PRRX1: variants seen among roughly 807,000 people sequenced by gnomAD.
PRRX1 encodes paired related homeobox 1.
PRRX1 carries 8 observed loss-of-function variants against 24.0 expected under a neutral mutation model. The ratio of observed to expected loss-of-function variants is 0.33; its 90% confidence interval spans 0.20 to 0.60. The LOEUF is 0.60. PRRX1 is among the 20% of genes least tolerant of loss of function. The probability of loss-of-function intolerance (pLI) is 0.82; values close to 1 mark genes in which losing one functional copy is unlikely to be tolerated. For missense variants in PRRX1, 281 were observed against 322.4 expected (o/e 0.87, Z 0.98); for synonymous variants, 160 against 131.7 (o/e 1.22, Z -1.47).
chr1:170,711,717 G>C (rs1558057246), intron 1 of PRRX1, among the ~76,000 whole-genome samples: 1 of 152,044 alleles, frequency 6.6e-6, no homozygotes, highest in Admixed American at 6.6e-5. Flanking sequence ...AGTGCAAAGG[G>C]AAAAAAACCT....
At position 170,692,713 on chromosome 1, in the gene PRRX1, CCTCT is replaced by C. The variant is rs375918496; in HGVS notation, c.242-26987_242-26984del. On this transcript the variant is annotated intron_variant, in intron 1 of 3. Transcript: ENST00000239461. ...GAAACCCCTTAACGAACTAACAAAT[CCTCT>C]CTCTCTCTCTCTCTCTCTCTCTCTC... 8.6e-3 allele frequency among the ~76,000 whole-genome samples: 1,202 copies of C among 138,970 alleles called. 9 individuals are homozygous for C. The highest frequency in any genetic ancestry group is 0.018 in the African/African-American group (665 of 36,478). 91.2% of individuals were successfully genotyped at this position (138,970 alleles called of 152,430 possible).
chr1:170,736,029 C>A lies in PRRX1; in HGVS notation c.600-19C>A. Reference sequence around the variant, plus strand: ...ACTAATGCCTGTTATTCTCCCTGCTCTCTCCTTTGTCCCTACAGCGCCATG... The same window carrying A: ...ACTAATGCCTGTTATTCTCCCTGCTATCTCCTTTGTCCCTACAGCGCCATG... On this transcript the variant is annotated intron_variant, in intron 3 of 3. Coordinates refer to ENST00000239461, the MANE Select transcript of PRRX1 (RefSeq NM_022716.4). The A allele has an allele frequency of 9.9e-6, 16 of 1,613,840 alleles. No homozygotes were observed. Among genetic ancestry groups the A allele is most frequent in the Non-Finnish European group, 1.3e-5 (15 of 1,179,754 alleles).
intron 2 of PRRX1, 134 bp from the exon 3 acceptor site, chr1:170,726,086 T>C: frequency 1.1e-6 from 1 of 875,640 alleles, no homozygotes; most frequent in Non-Finnish European, 1.8e-6. Flanking sequence ...CTACGGAGAA[T>C]TCCATAGCCA....
At chr1:170,685,415 G>T (rs945980587) in intron 1 of PRRX1, among the ~76,000 whole-genome samples, 2 of 152,154 alleles carry the variant, frequency 1.3e-5, no homozygotes, top group Non-Finnish European at 2.9e-5. Context: ...AGGCTGACTC[G>T]AGCTAGGGGA....
intron 1 of PRRX1, among the ~76,000 whole-genome samples, chr1:170,692,905 T>C (rs1654042346): frequency 6.6e-6 from 1 of 152,144 alleles, no homozygotes; most frequent in Non-Finnish European, 1.5e-5. Flanking sequence ...CTTGGCCTAA[T>C]CCTATATATA....
intron 2 of PRRX1, among the ~76,000 whole-genome samples, 188 bp downstream of exon 2, chr1:170,720,089 G>A (rs1655032555): frequency 2.6e-5 from 4 of 152,116 alleles, no homozygotes; most frequent in Non-Finnish European, 4.4e-5. Flanking sequence ...GCAACATAGT[G>A]AGACCTCATC....
Position 170,680,493 on chromosome 1 carries a change from A to G in PRRX1, c.241+16034A>G, listed in dbSNP as rs549566148. On this transcript the variant is annotated intron_variant, in intron 1 of 3. Transcript: ENST00000239461. The stretch of plus-strand genomic sequence containing the variant: ...GAATTTTGCTCTAGTGGTTTATGAC[A>G]TCACTGGAACCCCGTTGGTGGAATT... Among the ~76,000 whole-genome samples the G allele has an allele frequency of 9.2e-5, 14 of 152,314 alleles. No individual in the cohort carries two copies. The East Asian group carries it at 2.7e-3, about 29-fold the overall frequency.
intron 1 of PRRX1, among the ~76,000 whole-genome samples, chr1:170,698,888 A>G (rs936476288): frequency 6.6e-6 from 1 of 152,056 alleles, no homozygotes; most frequent in African/African-American, 2.4e-5. Flanking sequence ...TCTCTGGAGA[A>G]GGGGCCCCGG....
At chr1:170,709,828 A>G (rs1176791351) in intron 1 of PRRX1, among the ~76,000 whole-genome samples, 1 of 152,222 alleles carries the variant, frequency 6.6e-6, no homozygotes, top group African/African-American at 2.4e-5. Flanking sequence ...ATTACCCTAA[A>G]ATGGTTGATA....
At chr1:170,671,392 C>T (rs953023838) in intron 1 of PRRX1, among the ~76,000 whole-genome samples, 5 of 152,226 alleles carry the variant, frequency 3.3e-5, no homozygotes, top group East Asian at 1.9e-4. Flanking sequence ...GTCTCTGCCT[C>T]GGCAAAGAAA....
At chr1:170,723,513 C>T (rs1269769225) in intron 2 of PRRX1, among the ~76,000 whole-genome samples, 1 of 151,194 alleles carries the variant, frequency 6.6e-6, no homozygotes, top group Admixed American at 6.6e-5. Flanking sequence ...GCAGGTGCTC[C>T]ATAAAGATTT....
intron 3 of PRRX1, chr1:170,728,817 A>T (rs902289676): frequency 3.9e-5 from 6 of 152,242 alleles, no homozygotes; most frequent in African/African-American, 1.4e-4. Context: ...GAACCAAACT[A>T]TGTTATGATT....
chr1:170,697,821 T>C lies in PRRX1; in HGVS notation c.242-21905T>C, dbSNP rs866180216. ...GTATATATAAATATGTAGAAATATA[T>C]CTCTGTATAAATATATAGATATACA... On this transcript the variant is annotated intron_variant, in intron 1 of 3. Transcript: ENST00000239461. Among the ~76,000 whole-genome samples the C allele has an allele frequency of 4.7e-5, 7 of 147,562 alleles. No homozygotes were observed. In the South Asian group the frequency reaches 1.0e-3, roughly 22 times the overall value.
Position 170,738,182 on chromosome 1 carries a change from G to A in PRRX1, c.*1996G>A, listed in dbSNP as rs1571355956. On this transcript the variant is annotated 3_prime_UTR_variant, in exon 4 of 4. Transcript: ENST00000239461. ...ATTAAAAAACTTTGGATCAATTTTGGTCAAACATGCCAACTTTGTAGTCTG... is the reference window on the plus strand; with the variant it reads ...ATTAAAAAACTTTGGATCAATTTTGATCAAACATGCCAACTTTGTAGTCTG... 9.0e-6 allele frequency: 2 copies of A among 221,882 alleles called. No homozygotes were observed. Among genetic ancestry groups the A allele is most frequent in the Non-Finnish European group, 1.8e-5 (2 of 110,762 alleles). The allele number at this position is 221,882 out of a possible 1,614,324, so 13.7% of individuals were successfully genotyped here.
intron 1 of PRRX1, 77 bp downstream of exon 1, chr1:170,664,536 C>A: frequency 6.6e-6 from 10 of 1,509,424 alleles, no homozygotes; most frequent in Non-Finnish European, 8.9e-7. Flanking sequence ...AGCTAGAGCC[C>A]GTCCGCGGCC....
intron 1 of PRRX1, among the ~76,000 whole-genome samples, chr1:170,665,904 A>C (rs1652909327): frequency 1.3e-5 from 2 of 152,234 alleles, no homozygotes; most frequent in Admixed American, 1.3e-4. Flanking sequence ...GACACCAGAG[A>C]AAGGTGGCCA....
At chr1:170,726,620 T>C in intron 3 of PRRX1, 1 of 557,102 alleles carries the variant, frequency 1.8e-6, no homozygotes. Flanking sequence ...ATCTCACCAA[T>C]CTCCTCTTGG....
chr1:170,739,046 G>A lies in PRRX1; in HGVS notation c.*2860G>A. On this transcript the variant is annotated 3_prime_UTR_variant, in exon 4 of 4. Transcript: ENST00000239461. ...AAAATACAAGTTTGGTATGTGATTT[G>A]GAAAAGATGCCTTCTGGATCTTAAG... 1 of 218,470 alleles carries A rather than the reference G, an allele frequency of 4.6e-6. No homozygotes were observed. Among genetic ancestry groups the A allele is most frequent in the Non-Finnish European group, 9.2e-6 (1 of 108,700 alleles). 13.5% of individuals were successfully genotyped at this position (218,470 alleles called of 1,614,324 possible).
chr1:170,722,409 A>G (rs1181889760), intron 2 of PRRX1, among the ~76,000 whole-genome samples: 2 of 152,066 alleles, frequency 1.3e-5, no homozygotes, highest in African/African-American at 2.4e-5. Context: ...TCAAGCACAT[A>G]TTATACTCTT....
Sources: allele counts gnomAD v4.1 joint callset (sites outside exome capture counted in the v4.1 genomes callset), GRCh38; gene constraint gnomAD v4.1.1; transcripts MANE v1.5; gene names NCBI Gene and HGNC (gene_info 2026-07-23, HGNC 2026-07-21).